ISM1: variants seen among roughly 807,000 people sequenced by gnomAD.
ISM1 encodes isthmin 1.
ISM1 carries 25 observed loss-of-function variants against 46.3 expected under a neutral mutation model. The ratio of observed to expected loss-of-function variants is 0.54; its 90% confidence interval spans 0.39 to 0.75. The LOEUF (loss-of-function observed/expected upper bound fraction) is 0.75, where lower values mean the gene tolerates loss of function less well. ISM1 is among the 30% of genes least tolerant of loss of function. The pLI is 0.00. For missense variants in ISM1, 536 were observed against 625.4 expected (o/e 0.86, Z 1.52); for synonymous variants, 255 against 256.7 (o/e 0.99, Z 0.06).
chr20:13,315,365 C>CTG, the ISM1 span, among the ~76,000 whole-genome samples: 3 of 151,876 alleles, frequency 2.0e-5, no homozygotes, highest in African/African-American at 7.2e-5. Flanking sequence ...TATGCTTGCA[C>CTG]CAATCAAAGG....
intron 1 of ISM1, among the ~76,000 whole-genome samples, chr20:13,224,070 T>C (rs550818508): frequency 6.6e-6 from 1 of 152,096 alleles, no homozygotes; most frequent in African/African-American, 2.4e-5. Context: ...ACACAACAAA[T>C]GGGGGATTTA....
At position 13,292,405 on chromosome 20, in the gene ISM1, C is replaced by T. The variant is rs2040363132; in HGVS notation, c.819C>T (p.Thr273=). The T allele has an allele frequency of 6.8e-6, 11 of 1,606,498 alleles. No homozygotes were observed. Among genetic ancestry groups the T allele is most frequent in the South Asian group, 2.2e-5 (2 of 89,118 alleles). ...GIEDTFRTAA[T]EVSLLAGSEE... is the part of the protein sequence containing the mutation. ...AAGACACTTTTAGGACAGCTGCCAC[C>T]GAAGTGAGTCTGCTTGCGGGAAGCG... Residue 273 remains threonine, a synonymous_variant, in exon 5 of 6, where the codon ACC becomes ACT. Coordinates refer to ENST00000262487, the MANE Select transcript of ISM1 (RefSeq NM_080826.2).
At chr20:13,308,069 A>G in the ISM1 span, among the ~76,000 whole-genome samples, 1 of 152,006 alleles carries the variant, frequency 6.6e-6, no homozygotes, top group Non-Finnish European at 1.5e-5. Context: ...GCCAATCTCA[A>G]TTTCACCCCC....
chr20:13,253,095 CT>C (rs2039885894), intron 1 of ISM1, among the ~76,000 whole-genome samples: 1 of 152,218 alleles, frequency 6.6e-6, no homozygotes, highest in Non-Finnish European at 1.5e-5. Context: ...AGGCCTGTTG[CT>C]GCTCCATTTG....
chr20:13,321,973 C>T, the ISM1 span, among the ~76,000 whole-genome samples: 1 of 152,160 alleles, frequency 6.6e-6, no homozygotes. Flanking sequence ...CATAACGATA[C>T]TGTTGCTCAC....
chr20:13,253,754 A>G (rs1203791925), intron 1 of ISM1, among the ~76,000 whole-genome samples: 1 of 152,104 alleles, frequency 6.6e-6, no homozygotes. Flanking sequence ...ATAACTCAGT[A>G]TCATTATCAG....
downstream of ISM1, among the ~76,000 whole-genome samples, chr20:13,305,363 T>C (rs941627785): frequency 6.6e-6 from 1 of 152,086 alleles, no homozygotes; most frequent in African/African-American, 2.4e-5. Context: ...ACACTTGGAG[T>C]GGGACTGCTC....
At chr20:13,293,069 A>G (rs181376688) in intron 5 of ISM1, among the ~76,000 whole-genome samples, 2,885 of 152,038 alleles carry the variant, frequency 0.019, 97 homozygotes, top group African/African-American at 0.066. Flanking sequence ...GCATGGTGGC[A>G]GGCGCCTGTA....
chr20:13,223,779 A>G (rs1246829196), intron 1 of ISM1, among the ~76,000 whole-genome samples: 1 of 152,174 alleles, frequency 6.6e-6, no homozygotes, highest in African/African-American at 2.4e-5. Context: ...CACTGCGGAG[A>G]TAATTCTTAA....
At chr20:13,268,228 CTTCTATTCT>C (rs2040068065) in intron 1 of ISM1, among the ~76,000 whole-genome samples, 2 of 150,258 alleles carry the variant, frequency 1.3e-5, no homozygotes, top group African/African-American at 4.9e-5. Flanking sequence ...CTCTTTCTCT[CTTCTATTCT>C]TTCTCTTCTC....
intron 3 of ISM1, among the ~76,000 whole-genome samples, chr20:13,285,054 A>G (rs1234135030): frequency 1.3e-5 from 2 of 152,210 alleles, no homozygotes; most frequent in African/African-American, 4.8e-5. Flanking sequence ...TGGGAGGCCA[A>G]GGCAGGAGGA....
the ISM1 span, among the ~76,000 whole-genome samples, chr20:13,306,652 C>T: frequency 6.6e-6 from 1 of 150,968 alleles, no homozygotes; most frequent in East Asian, 2.0e-4. Context: ...GTCACTCACT[C>T]TCTGTGTTAT....
At chr20:13,295,858 C>G (rs1000133950) in intron 5 of ISM1, among the ~76,000 whole-genome samples, 1 of 152,194 alleles carries the variant, frequency 6.6e-6, no homozygotes, top group Non-Finnish European at 1.5e-5. Context: ...ACGATAGATC[C>G]AAAGGTGCAA....
chr20:13,258,969 T>A (rs555717454), intron 1 of ISM1, among the ~76,000 whole-genome samples: 2 of 152,060 alleles, frequency 1.3e-5, no homozygotes, highest in Non-Finnish European at 2.9e-5. Flanking sequence ...ACCTTACAGA[T>A]GGCGAGCTGT....
intron 2 of ISM1, among the ~76,000 whole-genome samples, chr20:13,277,566 C>T (rs2040193938): frequency 6.6e-6 from 1 of 152,286 alleles, no homozygotes; most frequent in South Asian, 2.1e-4. Flanking sequence ...CCATTACTCT[C>T]CCACGACCAT....
chr20:13,234,672 T>C lies in ISM1; in HGVS notation c.138+12758T>C, dbSNP rs151223507. ...CTGACTTGTGTAAAATGGTATCTCA[T>C]TGTGGTTTTAATTTTTATTTCTCTG... is the stretch of plus-strand genomic sequence containing the variant. On this transcript the variant is annotated intron_variant, in intron 1 of 5. Coordinates refer to ENST00000262487, the MANE Select transcript of ISM1 (RefSeq NM_080826.2). 2.7e-3 allele frequency among the ~76,000 whole-genome samples: 414 copies of C among 152,340 alleles called. 2 individuals carry two copies. Among genetic ancestry groups the C allele is most frequent in the African/African-American group, 9.5e-3 (395 of 41,582 alleles).
chr20:13,234,918 T>C (rs969851882), intron 1 of ISM1, among the ~76,000 whole-genome samples: 1 of 152,226 alleles, frequency 6.6e-6, no homozygotes, highest in African/African-American at 2.4e-5. Flanking sequence ...TCCTACAGAA[T>C]CTGTATTTTG....
chr20:13,311,274 T>C, the ISM1 span, among the ~76,000 whole-genome samples: 1 of 151,478 alleles, frequency 6.6e-6, no homozygotes, highest in Non-Finnish European at 1.5e-5. Flanking sequence ...GATAGATAGA[T>C]AGATAGATAA....
In ISM1 at chr20:13,221,417, GCCTCCGGCCCGGCCCGGGTCCCGGGCT is replaced by G. The variant is rs2039444918; in HGVS notation, c.-359_-333del. On this transcript the variant is annotated 5_prime_UTR_variant, in exon 1 of 6. Coordinates refer to ENST00000262487, the MANE Select transcript of ISM1 (RefSeq NM_080826.2). ...CCCGCAGCCCCCTGCCAGCAGGGTG[GCCTCCGGCCCGGCCCGGGTCCCGGGCT>G]GTCCCGGGACCCAGTCTCCGTCTCC... Among the ~76,000 whole-genome samples, 1 of 138,308 alleles carries G rather than the reference GCCTCCGGCCCGGCCCGGGTCCCGGGCT, an allele frequency of 7.2e-6. No individual in the cohort carries two copies. Among genetic ancestry groups the G allele is most frequent in the African/African-American group, 2.5e-5 (1 of 39,468 alleles). The allele number at this position is 138,308 out of a possible 152,430, so 90.7% of individuals were successfully genotyped here. A position where few individuals can be genotyped will look rare whatever the true frequency, so the allele number is the denominator to read the frequency against.
Sources: allele counts gnomAD v4.1 joint callset (sites outside exome capture counted in the v4.1 genomes callset), GRCh38; gene constraint gnomAD v4.1.1; transcripts MANE v1.5; gene names NCBI Gene and HGNC (gene_info 2026-07-23, HGNC 2026-07-21).